H2BC12: variants seen among roughly 807,000 people sequenced by gnomAD.
H2BC12 encodes the protein H2B clustered histone 12, also known as histone H2B type 1-K.
H2BC12 carries 6 observed loss-of-function variants against 6.3 expected under a neutral mutation model. The observed-to-expected ratio is 0.95, with a 90% CI of 0.52 to 1.87. The LOEUF (loss-of-function observed/expected upper bound fraction) is 1.87. H2BC12 is among the 40% of genes most tolerant of loss of function. The probability of loss-of-function intolerance (pLI) is 0.01; values close to 1 mark genes in which losing one functional copy is unlikely to be tolerated. For synonymous variants in H2BC12, 132 were observed against 78.5 expected (o/e 1.68, Z -3.60); for missense variants, 119 against 178.4 (o/e 0.67, Z 1.90).
rs559224198 is a variant in H2BC12 at position 27,146,768 on chromosome 6, G to A, written c.31C>T (p.Pro11Ser). Residue 11 changes from proline (P) to serine (S), a missense_variant, in exon 1 of 1, where the codon CCC becomes TCC. Pro to Ser is a moderately conservative substitution (Grantham distance 74). This residue lies in a region of H2BC12 where 50 missense variants were observed against 37.4 expected (regional missense o/e 1.34). Coordinates refer to ENST00000356950, the MANE Select transcript of H2BC12 (RefSeq NM_001312653.2). ...ACGGCTTTCTTCGAGCCCTTCTTGG[G>A]CGCGGGAGCGGACTTCGCTGGTTCC... MPEPAKSAPA[P>S]KKGSKKAVTK... is the part of the protein sequence containing the mutation. The A allele has an allele frequency of 5.6e-5, 91 of 1,614,220 alleles. 2 individuals are homozygous for A. The South Asian group carries it at 8.1e-4, about 14-fold the overall frequency.
downstream of H2BC12, among the ~76,000 whole-genome samples, chr6:27,144,959 T>C (rs980064017): frequency 3.3e-5 from 5 of 152,170 alleles, no homozygotes; most frequent in Non-Finnish European, 7.4e-5. Context: ...ACGCCCCCCC[T>C]AATTTTTGTA....
downstream of H2BC12, among the ~76,000 whole-genome samples, chr6:27,143,575 G>A (rs2113648688): frequency 6.6e-6 from 1 of 150,846 alleles, no homozygotes; most frequent in South Asian, 2.1e-4. Flanking sequence ...CATTTTCTTA[G>A]GTCCACTGAC....
downstream of H2BC12, among the ~76,000 whole-genome samples, chr6:27,146,074 C>T (rs1562028185): frequency 6.6e-6 from 1 of 152,204 alleles, no homozygotes; most frequent in Non-Finnish European, 1.5e-5. Context: ...TCAACAAGTT[C>T]TAACAGGAAG....
chr6:27,146,104 G>GGACAACT (rs1760074208), downstream of H2BC12, among the ~76,000 whole-genome samples: 1 of 152,186 alleles, frequency 6.6e-6, no homozygotes, highest in Non-Finnish European at 1.5e-5. Flanking sequence ...TCGACACAAC[G>GGACAACT]GAAGTATCCA....
At chr6:27,140,724 C>A in the H2BC12 span, among the ~76,000 whole-genome samples, 2 of 152,092 alleles carry the variant, frequency 1.3e-5, no homozygotes, top group Admixed American at 1.3e-4. Context: ...AATGTGAAAT[C>A]GGAGTTTTTC....
chr6:27,139,963 T>C, the H2BC12 span: 8 of 259,730 alleles, frequency 3.1e-5, no homozygotes, highest in Non-Finnish European at 6.3e-5. Flanking sequence ...AACTTCCCTC[T>C]GGACCTTCAA....
the H2BC12 span, chr6:27,139,672 T>A: frequency 6.5e-7 from 1 of 1,542,266 alleles, no homozygotes; most frequent in Admixed American, 2.1e-5. Flanking sequence ...TTAGGGCCCC[T>A]AAGCTTTCAA....
At chr6:27,143,846 TAAAA>T (rs34292040), downstream of H2BC12, among the ~76,000 whole-genome samples, 7 of 113,628 alleles carry the variant, frequency 6.2e-5, no homozygotes, top group Admixed American at 3.8e-4. Context: ...AACTACTCTT[TAAAA>T]AAAAAAAAAA....
chr6:27,146,074 C>CTA (rs1581435445), downstream of H2BC12, among the ~76,000 whole-genome samples: 4 of 152,322 alleles, frequency 2.6e-5, no homozygotes, highest in East Asian at 7.7e-4. Context: ...TCAACAAGTT[C>CTA]TAACAGGAAG....
rs758323873 is a variant in H2BC12, at chr6:27,146,583, T to C, written c.216A>G (p.Glu72=). ...IMNSFVNDIF[E]RIAGEASRLA... is the part of the protein sequence containing the mutation. ...GGCGGGAAGCCTCACCCGCGATGCG[T>C]TCGAAGATGTCGTTGACGAAGGAGT... The change falls in exon 1 of 1, where the codon GAA becomes GAG. Residue 72 remains glutamate, a synonymous_variant. Transcript: ENST00000356950. 5 of 1,614,088 alleles carry C rather than the reference T, an allele frequency of 3.1e-6. No individual in the cohort carries two copies. The South Asian group carries it at 5.5e-5, about 18-fold the overall frequency.
At chr6:27,143,796 C>T (rs1279519424), downstream of H2BC12, among the ~76,000 whole-genome samples, 1 of 145,978 alleles carries the variant, frequency 6.9e-6, no homozygotes, top group Non-Finnish European at 1.5e-5. Context: ...GATTGAATTG[C>T]TGTGGTCCAG....
At chr6:27,140,767 C>G in the H2BC12 span, among the ~76,000 whole-genome samples, 1 of 152,032 alleles carries the variant, frequency 6.6e-6, no homozygotes, top group African/African-American at 2.4e-5. Flanking sequence ...GGAGATTTTC[C>G]CGCTTTCCTC....
At chr6:27,142,216 C>A (rs992379626), downstream of H2BC12, among the ~76,000 whole-genome samples, 3 of 152,132 alleles carry the variant, frequency 2.0e-5, no homozygotes, top group Non-Finnish European at 2.9e-5. Context: ...TGACTATATG[C>A]TGAAACTATA....
the H2BC12 span, among the ~76,000 whole-genome samples, chr6:27,140,322 CTG>C: frequency 1.3e-5 from 2 of 152,172 alleles, no homozygotes; most frequent in African/African-American, 2.4e-5. Flanking sequence ...CTAGGATAAA[CTG>C]ATATTCTAAA....
At chr6:27,139,830 A>G in the H2BC12 span, 2 of 782,512 alleles carry the variant, frequency 2.6e-6, no homozygotes, top group African/African-American at 1.8e-5. Context: ...CAAGGCCAGA[A>G]GAGCCTCTGC....
At chr6:27,139,328 G>A in the H2BC12 span, 3 of 1,611,804 alleles carry the variant, frequency 1.9e-6, no homozygotes, top group Non-Finnish European at 2.5e-6. Context: ...CGCGGCAAAG[G>A]AGGTAAGGGC....
the H2BC12 span, chr6:27,139,191 C>T: frequency 8.8e-6 from 10 of 1,132,676 alleles, no homozygotes; most frequent in Middle Eastern, 6.9e-4. Flanking sequence ...TCCCCTCCCC[C>T]AATGCAGAGG....
At chr6:27,145,482 C>T (rs563840635), downstream of H2BC12, among the ~76,000 whole-genome samples, 2 of 152,288 alleles carry the variant, frequency 1.3e-5, no homozygotes, top group South Asian at 2.1e-4. Context: ...GTCATTCTAG[C>T]CTCTAATCAC....
the H2BC12 span, chr6:27,139,334 A>G: frequency 6.2e-7 from 1 of 1,612,768 alleles, no homozygotes; most frequent in Non-Finnish European, 8.5e-7. Context: ...AAAGGAGGTA[A>G]GGGCCTGGGG....
Sources: allele counts gnomAD v4.1 joint callset (sites outside exome capture counted in the v4.1 genomes callset), GRCh38; gene constraint gnomAD v4.1.1; regional missense constraint gnomAD v4.1.1; transcripts MANE v1.5; gene names NCBI Gene and HGNC (gene_info 2026-07-23, HGNC 2026-07-21).